Variants in MIS18A observed in about 807,000 individuals in gnomAD.
MIS18A encodes the protein MIS18 kinetochore protein A.
A neutral mutation model predicts 25.0 loss-of-function variants in MIS18A; 14 were observed. The ratio of observed to expected loss-of-function variants is 0.56; its 90% CI spans 0.37 to 0.88. The LOEUF is 0.88. Among genes scored for constraint, MIS18A ranks in the 40% least tolerant of loss-of-function variants. MIS18A has a pLI of 0.00. For missense variants in MIS18A, 292 were observed against 290.8 expected (o/e 1.00, Z -0.03); for synonymous variants, 134 against 118.6 (o/e 1.13, Z -0.84).
the MIS18A span, among the ~76,000 whole-genome samples, chr21:32,196,111 G>A: frequency 0.07 from 10,684 of 152,064 alleles, 533 homozygotes; most frequent in South Asian, 0.16. Flanking sequence ...TTGGTAAAAC[G>A]CTATCTGGGC....
At chr21:32,270,222 G>A (rs1249147682) in intron 3 of MIS18A, among the ~76,000 whole-genome samples, 185 bp downstream of exon 3, 3 of 150,110 alleles carry the variant, frequency 2.0e-5, no homozygotes, top group African/African-American at 7.4e-5. Context: ...AATTTAGAGT[G>A]TCTGACTTTT....
chr21:32,180,250 C>T, the MIS18A span, among the ~76,000 whole-genome samples: 4 of 152,178 alleles, frequency 2.6e-5, no homozygotes, highest in Non-Finnish European at 5.9e-5. Context: ...TTCTGTGGAT[C>T]AATTTCAGAA....
the MIS18A span, among the ~76,000 whole-genome samples, chr21:32,213,700 G>A: frequency 1.3e-5 from 2 of 152,166 alleles, no homozygotes; most frequent in Admixed American, 1.3e-4. Context: ...CTCTTCTAAC[G>A]TTCTCAGGGT....
chr21:32,156,690 C>T, the MIS18A span, among the ~76,000 whole-genome samples: 1 of 152,008 alleles, frequency 6.6e-6, no homozygotes, highest in Non-Finnish European at 1.5e-5. Flanking sequence ...ACCATTTTAC[C>T]TTTTCTGGAG....
At chr21:32,230,957 G>T in the MIS18A span, among the ~76,000 whole-genome samples, 1 of 152,166 alleles carries the variant, frequency 6.6e-6, no homozygotes, top group African/African-American at 2.4e-5. Flanking sequence ...CACACAGGCT[G>T]GGCGCAGTGG....
chr21:32,267,306 G>A (rs1470895017), downstream of MIS18A, among the ~76,000 whole-genome samples: 2 of 152,222 alleles, frequency 1.3e-5, no homozygotes, highest in Non-Finnish European at 2.9e-5. Context: ...AATGTGTGCT[G>A]GCTTCTGTCT....
At chr21:32,186,376 C>T in the MIS18A span, among the ~76,000 whole-genome samples, 3 of 152,242 alleles carry the variant, frequency 2.0e-5, no homozygotes, top group Non-Finnish European at 4.4e-5. Context: ...CCTGCAGGCT[C>T]CTTAAGGCTA....
In MIS18A at chr21:32,268,336, ATGGT is replaced by A. The variant is rs1352820421; in HGVS notation, c.*697_*700del. ...TTCCCCCAGAATCCCACCCTCAGAG[ATGGT>A]TACTCCTCTTTGGTAAGTATTCCTC... On this transcript the variant is annotated 3_prime_UTR_variant, in exon 5 of 5. Coordinates refer to ENST00000290130, the MANE Select transcript of MIS18A (RefSeq NM_018944.3). 1.3e-5 allele frequency: 2 copies of A among 152,220 alleles called. No homozygotes were observed. The highest frequency in any genetic ancestry group is 2.9e-5 in the Non-Finnish European group (2 of 68,048). 9.4% of individuals were successfully genotyped at this position (152,220 alleles called of 1,614,324 possible).
the MIS18A span, among the ~76,000 whole-genome samples, chr21:32,156,752 A>G: frequency 6.6e-6 from 1 of 152,056 alleles, no homozygotes; most frequent in Non-Finnish European, 1.5e-5. Context: ...TCTATGAGGG[A>G]TATCAGATTT....
chr21:32,175,621 A>G, the MIS18A span, among the ~76,000 whole-genome samples: 1 of 147,554 alleles, frequency 6.8e-6, no homozygotes, highest in East Asian at 2.0e-4. Flanking sequence ...CAGCCTGCCC[A>G]ACATAGTGAA....
the MIS18A span, among the ~76,000 whole-genome samples, chr21:32,164,247 GCA>G: frequency 2.6e-5 from 4 of 152,136 alleles, no homozygotes; most frequent in African/African-American, 9.7e-5. Flanking sequence ...AAAGCATCCT[GCA>G]CAGATTTTAA....
At chr21:32,163,829 G>A in the MIS18A span, among the ~76,000 whole-genome samples, 10 of 152,234 alleles carry the variant, frequency 6.6e-5, no homozygotes, top group Non-Finnish European at 1.5e-4. Context: ...CATGGTGGTT[G>A]TCTTCATTTG....
chr21:32,258,895 CTTAG>C, the MIS18A span, among the ~76,000 whole-genome samples: 2 of 146,108 alleles, frequency 1.4e-5, no homozygotes, highest in East Asian at 4.0e-4. Context: ...TACTTACTTA[CTTAG>C]AGATAGGCCT....
the MIS18A span, among the ~76,000 whole-genome samples, chr21:32,197,361 G>C: frequency 1.3e-5 from 2 of 152,188 alleles, no homozygotes; most frequent in Non-Finnish European, 2.9e-5. Context: ...ACGTGGGGCT[G>C]ACATTTAGAC....
chr21:32,273,290 G>T (rs1013573141), intron 2 of MIS18A, among the ~76,000 whole-genome samples: 2 of 151,890 alleles, frequency 1.3e-5, no homozygotes, highest in Non-Finnish European at 2.9e-5. Context: ...ACACAGGCAT[G>T]ATTAATTACA....
At chr21:32,223,249 T>C in the MIS18A span, among the ~76,000 whole-genome samples, 4 of 151,608 alleles carry the variant, frequency 2.6e-5, no homozygotes, top group Non-Finnish European at 5.9e-5. Flanking sequence ...ATTCAAAAGC[T>C]AGCAGAAGAC....
chr21:32,220,683 G>A, the MIS18A span, among the ~76,000 whole-genome samples: 11 of 152,052 alleles, frequency 7.2e-5, no homozygotes, highest in East Asian at 5.9e-4. Flanking sequence ...AAACTCCTCC[G>A]AGCTAAAAGA....
At chr21:32,168,977 C>T in the MIS18A span, among the ~76,000 whole-genome samples, 1 of 152,122 alleles carries the variant, frequency 6.6e-6, no homozygotes, top group African/African-American at 2.4e-5. Context: ...AAATTCCACT[C>T]CTCCATAAAA....
At chr21:32,205,097 C>CTTTTT in the MIS18A span, among the ~76,000 whole-genome samples, 68 of 66,224 alleles carry the variant, frequency 1.0e-3, 1 homozygote, top group Non-Finnish European at 1.1e-3. Flanking sequence ...AGAACTTGTC[C>CTTTTT]TTTTTTTTTT....
Sources: gnomAD v4.1 joint callset for allele counts (sites outside exome capture counted in the v4.1 genomes callset) on GRCh38, gnomAD v4.1.1 for gene constraint, MANE v1.5 for transcripts, NCBI Gene and HGNC (gene_info 2026-07-23, HGNC 2026-07-21) for gene names.